SPECC1: variants seen among roughly 807,000 people sequenced by gnomAD.
The protein encoded by SPECC1 is sperm antigen with calponin homology and coiled-coil domains 1.
A neutral mutation model predicts 104.1 loss-of-function variants in SPECC1; 62 were observed. That is an observed-to-expected ratio of 0.60 (90% CI 0.49 to 0.74). The LOEUF is 0.74. SPECC1 is among the 30% of genes least tolerant of loss of function. The pLI is 0.00. For synonymous variants in SPECC1, 513 were observed against 501.6 expected, an observed-to-expected ratio of 1.02 and a Z score of -0.30; for missense variants, 1,306 against 1,310.5, an observed-to-expected ratio of 1.00 and a Z score of 0.05.
At chr17:20,223,630 A>G (rs1003090635) in intron 4 of SPECC1, among the ~76,000 whole-genome samples, 1 of 151,848 alleles carries the variant, frequency 6.6e-6, no homozygotes, top group East Asian at 1.9e-4. Flanking sequence ...CCGAGAAAGT[A>G]CCACTGCACT....
intron 3 of SPECC1, among the ~76,000 whole-genome samples, chr17:20,134,941 T>C (rs917161833): frequency 6.6e-6 from 1 of 152,156 alleles, no homozygotes; most frequent in Non-Finnish European, 1.5e-5. Context: ...AATCATCACA[T>C]TGGATGGAAG....
chr17:20,156,349 G>C (rs958403866), intron 3 of SPECC1: 275 of 1,156,176 alleles, frequency 2.4e-4, no homozygotes, highest in Non-Finnish European at 2.3e-4. Context: ...GAAAGGCTAA[G>C]GTCCTGGGGT....
chr17:20,257,632 A>T, intron 11 of SPECC1, 25 bp downstream of exon 11: 1 of 1,608,876 alleles, frequency 6.2e-7, no homozygotes, highest in Non-Finnish European at 8.5e-7. Flanking sequence ...ACAATAAGAA[A>T]TCAGAAAAAC....
intron 3 of SPECC1, among the ~76,000 whole-genome samples, chr17:20,111,670 C>T (rs73299639): frequency 6.6e-6 from 1 of 151,366 alleles, no homozygotes; most frequent in African/African-American, 2.4e-5. Context: ...GGACAAATTG[C>T]GTGTGTGTGG....
At chr17:20,046,737 A>G (rs1388980625) in intron 1 of SPECC1, among the ~76,000 whole-genome samples, 1 of 152,082 alleles carries the variant, frequency 6.6e-6, no homozygotes, top group Non-Finnish European at 1.5e-5. Flanking sequence ...GAGTTAACTC[A>G]CTGCAGGTGG....
rs1188698321 is a variant in SPECC1 at position 20,247,163 on chromosome 17, A to G, written c.2498-56A>G. The G allele has an allele frequency of 4.4e-6, 6 of 1,359,124 alleles. No individual in the cohort carries two copies. The African/African-American group carries it at 7.2e-5, about 16-fold the overall frequency. The allele number at this position is 1,359,124 out of a possible 1,614,324, so 84.2% of individuals were successfully genotyped here. A position where few individuals can be genotyped will look rare whatever the true frequency, so the allele number is the denominator to read the frequency against. On this transcript the variant is annotated intron_variant, in intron 8 of 14. Transcript: ENST00000395527. ...AAGTAACAAGAAATCAGGAACAAGT[A>G]TATGCTATTTTGAAGTGGAACAACA... is the stretch of plus-strand genomic sequence containing the variant.
intron 3 of SPECC1, among the ~76,000 whole-genome samples, chr17:20,117,820 A>G (rs2048836123): frequency 6.6e-6 from 1 of 151,968 alleles, no homozygotes; most frequent in Admixed American, 6.6e-5. Context: ...AATGTAAAGC[A>G]AGGCTGGGTG....
At chr17:20,122,810 T>A (rs186366636) in intron 3 of SPECC1, among the ~76,000 whole-genome samples, 1 of 152,344 alleles carries the variant, frequency 6.6e-6, no homozygotes, top group African/African-American at 2.4e-5. Flanking sequence ...TGTGTCAGAA[T>A]TTCCTTCGTT....
intron 2 of SPECC1, among the ~76,000 whole-genome samples, chr17:20,104,644 G>A (rs2048099511): frequency 6.8e-6 from 1 of 147,878 alleles, no homozygotes; most frequent in African/African-American, 2.5e-5. Flanking sequence ...TTGGGAGGCT[G>A]AGACAGGAGA....
intron 12 of SPECC1, among the ~76,000 whole-genome samples, chr17:20,279,313 T>C (rs944242110): frequency 4.6e-5 from 7 of 150,918 alleles, no homozygotes; most frequent in African/African-American, 1.2e-4. Flanking sequence ...TTCTTTCTTT[T>C]TTTTTTTTTC....
Position 20,316,707 on chromosome 17 carries a change from T to G in SPECC1, c.*2642T>G, listed in dbSNP as rs60805351. On this transcript the variant is annotated 3_prime_UTR_variant, in exon 15 of 15. Coordinates refer to ENST00000395527, the MANE Select transcript of SPECC1 (RefSeq NM_001243439.2). The stretch of plus-strand genomic sequence containing the variant: ...TTTTTTTGTTGTTGTTTGTTTGTTT[T>G]TTTTTTTGAGACAGAGTCTTGCTCT... 286 of 142,730 alleles carry G rather than the reference T, an allele frequency of 2.0e-3. 2 individuals are homozygous for G. Among genetic ancestry groups the G allele is most frequent in the African/African-American group, 7.4e-3 (233 of 31,528 alleles). The allele number at this position is 142,730 out of a possible 1,614,324, so 8.8% of individuals were successfully genotyped here. A position where few individuals can be genotyped will look rare whatever the true frequency, so the allele number is the denominator to read the frequency against.
chr17:20,228,969 A>C (rs865786755), intron 5 of SPECC1, among the ~76,000 whole-genome samples: 21 of 152,294 alleles, frequency 1.4e-4, no homozygotes, highest in African/African-American at 4.6e-4. Flanking sequence ...TTATTCACAG[A>C]TTTCACATTG....
At chr17:20,281,932 G>A (rs988999940) in intron 12 of SPECC1, among the ~76,000 whole-genome samples, 4 of 152,206 alleles carry the variant, frequency 2.6e-5, no homozygotes, top group African/African-American at 9.6e-5. Flanking sequence ...TTCTCAGGAC[G>A]CCAAGGAAGA....
At chr17:20,292,765 C>T (rs888350083) in intron 12 of SPECC1, among the ~76,000 whole-genome samples, 1 of 152,218 alleles carries the variant, frequency 6.6e-6, no homozygotes, top group Admixed American at 6.5e-5. Context: ...CAACAAAAGG[C>T]ATCCTCAGGC....
chr17:20,103,153 C>T (rs533149014), intron 2 of SPECC1, among the ~76,000 whole-genome samples: 2 of 152,298 alleles, frequency 1.3e-5, no homozygotes, highest in Admixed American at 6.5e-5. Context: ...ACCCCTGTGA[C>T]GTGGGATGGG....
intron 1 of SPECC1, among the ~76,000 whole-genome samples, chr17:20,023,001 T>C (rs189320835): frequency 9.1e-4 from 139 of 152,340 alleles, no homozygotes; most frequent in African/African-American, 3.2e-3. Context: ...CTGGATCGGC[T>C]CATTCCTTTT....
chr17:20,306,000 G>C, intron 13 of SPECC1, 23 bp from the exon 14 acceptor site: 1 of 1,610,276 alleles, frequency 6.2e-7, no homozygotes, highest in Non-Finnish European at 8.5e-7. Flanking sequence ...ACTGATTCCA[G>C]TCTCTTTGTC....
intron 3 of SPECC1, among the ~76,000 whole-genome samples, chr17:20,169,337 C>T (rs1368339978): frequency 6.6e-6 from 1 of 152,038 alleles, no homozygotes; most frequent in Non-Finnish European, 1.5e-5. Flanking sequence ...TAGGTGTCCT[C>T]CATTAAGTGG....
At chr17:20,049,740 T>C (rs1263000090) in intron 1 of SPECC1, among the ~76,000 whole-genome samples, 2 of 152,156 alleles carry the variant, frequency 1.3e-5, no homozygotes, top group Non-Finnish European at 2.9e-5. Flanking sequence ...GCATTCCCCA[T>C]CCTAAGAGTC....
Sources: gnomAD v4.1 joint callset for allele counts (sites outside exome capture counted in the v4.1 genomes callset) on GRCh38, gnomAD v4.1.1 for gene constraint, MANE v1.5 for transcripts, NCBI Gene and HGNC (gene_info 2026-07-23, HGNC 2026-07-21) for gene names.